Variants in CAMTA1 observed in about 807,000 individuals in gnomAD.
CAMTA1 encodes the protein calmodulin-binding transcription activator 1.
CAMTA1 carries 27 observed loss-of-function variants against 170.9 expected under a neutral mutation model. The observed-to-expected ratio is 0.16, with a 90% CI of 0.12 to 0.22. The LOEUF (loss-of-function observed/expected upper bound fraction) is 0.22, where lower values mean the gene tolerates loss of function less well. Among genes scored for constraint, CAMTA1 ranks in the 10% least tolerant of loss-of-function variants. The probability of loss-of-function intolerance (pLI) is 1.00; values close to 1 mark genes in which losing one functional copy is unlikely to be tolerated. For missense variants in CAMTA1, 1,619 were observed against 2,217.2 expected (o/e 0.73, Z 5.42); for synonymous variants, 833 against 891.5 (o/e 0.93, Z 1.17).
Position 7,067,259 on chromosome 1 carries a change from G to A in CAMTA1, c.235-24045G>A, listed in dbSNP as rs999191251. 3.9e-5 allele frequency among the ~76,000 whole-genome samples: 6 copies of A among 152,150 alleles called. No individual in the cohort carries two copies. Among genetic ancestry groups the A allele is most frequent in the Non-Finnish European group, 8.8e-5 (6 of 68,018 alleles). Reference sequence around the variant, plus strand: ...CTTCCTAGGGACGAAGGCCTCTCCCGGGGCTGGGAAGTTCCTGTCCCTTGT... The same window carrying A: ...CTTCCTAGGGACGAAGGCCTCTCCCAGGGCTGGGAAGTTCCTGTCCCTTGT... On this transcript the variant is annotated intron_variant, in intron 3 of 22. Coordinates refer to ENST00000303635, the MANE Select transcript of CAMTA1 (RefSeq NM_015215.4). The surrounding 1 kb of genome is among the most constrained non-coding windows in gnomAD (Gnocchi z 4.3).
At chr1:7,676,749 C>A (rs1288383691) in intron 10 of CAMTA1, among the ~76,000 whole-genome samples, 1 of 152,206 alleles carries the variant, frequency 6.6e-6, no homozygotes, top group African/African-American at 2.4e-5. Flanking sequence ...TGTGCACACC[C>A]ACCATTGCCC....
intron 9 of CAMTA1, 116 bp from the exon 10 acceptor site, chr1:7,670,795 C>T: frequency 8.5e-7 from 1 of 1,170,858 alleles, no homozygotes; most frequent in South Asian, 1.5e-5. Context: ...TGGGAATCTG[C>T]ATGGGGCGAG....
intron 4 of CAMTA1, among the ~76,000 whole-genome samples, chr1:7,145,844 G>A (rs1425561256): frequency 2.0e-5 from 3 of 152,210 alleles, no homozygotes; most frequent in Non-Finnish European, 1.5e-5. Flanking sequence ...GCGAAATGTG[G>A]AGTGGGCTGA....
intron 4 of CAMTA1, among the ~76,000 whole-genome samples, chr1:7,187,921 T>C (rs557314896): frequency 6.8e-4 from 104 of 152,300 alleles, no homozygotes; most frequent in African/African-American, 2.4e-3. Context: ...CACACTGCTA[T>C]AAAGAAATAC....
At chr1:7,553,062 T>C (rs1015108692) in intron 6 of CAMTA1, among the ~76,000 whole-genome samples, 3 of 152,132 alleles carry the variant, frequency 2.0e-5, no homozygotes, top group Non-Finnish European at 4.4e-5. Flanking sequence ...GTGCTAAGAT[T>C]GGTAGTGAGA....
In CAMTA1 at chr1:6,825,194, G is replaced by A. The variant is rs1424332295; in HGVS notation, c.218G>A (p.Arg73His). 1 of 1,596,978 alleles carries A rather than the reference G, an allele frequency of 6.3e-7. No individual in the cohort carries two copies. The highest frequency in any genetic ancestry group is 1.7e-5 in the Admixed American group (1 of 57,204). Residue 73 changes from arginine (R) to histidine (H), a missense_variant, in exon 3 of 23, where the codon CGC (arginine) becomes CAC (histidine). Coordinates refer to ENST00000303635, the MANE Select transcript of CAMTA1 (RefSeq NM_015215.4). ...TCAAGTTTACCAAAAGAGAGGCACC[G>A]CTGGAACACTAATGAGGTAGATAAG... ...KCSSLPKERH[R>H]WNTNEEIAAY... is the part of the protein sequence containing the mutation.
intron 3 of CAMTA1, among the ~76,000 whole-genome samples, chr1:7,005,222 C>A (rs1050996875): frequency 6.6e-6 from 1 of 152,300 alleles, no homozygotes; most frequent in East Asian, 1.9e-4. Flanking sequence ...AGCCACCCAC[C>A]TTGGAAGCTG....
At chr1:7,637,253 G>T (rs138277380) in intron 6 of CAMTA1, among the ~76,000 whole-genome samples, 2,159 of 152,296 alleles carry the variant, frequency 0.014, 61 homozygotes, top group Admixed American at 0.066. Flanking sequence ...GCAGGATGCG[G>T]CAGTCCTTTC....
intron 5 of CAMTA1, among the ~76,000 whole-genome samples, chr1:7,257,468 A>G (rs80031760): frequency 0.011 from 1,614 of 152,218 alleles, 17 homozygotes; most frequent in Middle Eastern, 0.031. Context: ...GAGAGCTTTC[A>G]CTTAGGAATA....
intron 4 of CAMTA1, among the ~76,000 whole-genome samples, chr1:7,160,857 G>A (rs1441719815): frequency 6.6e-6 from 1 of 151,976 alleles, no homozygotes; most frequent in Non-Finnish European, 1.5e-5. Context: ...TCAGTATATG[G>A]TACCATCCAT....
At chr1:7,236,563 C>T (rs1297006773) in intron 4 of CAMTA1, among the ~76,000 whole-genome samples, 5 of 152,152 alleles carry the variant, frequency 3.3e-5, no homozygotes, top group African/African-American at 7.2e-5. Context: ...ACCGGCTGTG[C>T]GACGTTGGGG....
intron 3 of CAMTA1, among the ~76,000 whole-genome samples, chr1:6,931,810 C>A (rs1480348092): frequency 6.6e-6 from 1 of 152,106 alleles, no homozygotes; most frequent in East Asian, 1.9e-4. Flanking sequence ...ATCTTTGTTC[C>A]CTGGGGACTT....
chr1:7,702,148 C>T lies in CAMTA1; in HGVS notation c.2914+24415C>T, dbSNP rs567934464. On this transcript the variant is annotated intron_variant, in intron 11 of 22. Coordinates refer to ENST00000303635, the MANE Select transcript of CAMTA1 (RefSeq NM_015215.4). ...CCCCATGCAGAAACGTCACCCCAGG[C>T]TCCTGACCCCAACCCACTCAGCAGG... 2.4e-4 allele frequency among the ~76,000 whole-genome samples: 36 copies of T among 152,200 alleles called. No homozygotes were observed. In the South Asian group the frequency reaches 7.5e-3, roughly 32 times the overall value.
intron 4 of CAMTA1, among the ~76,000 whole-genome samples, chr1:7,120,889 A>T (rs1644602107): frequency 6.6e-6 from 1 of 152,206 alleles, no homozygotes; most frequent in Non-Finnish European, 1.5e-5. Context: ...TCAGAGCCAC[A>T]CTTGTGATTA....
At chr1:7,186,703 C>T (rs1353683097) in intron 4 of CAMTA1, among the ~76,000 whole-genome samples, 1 of 152,140 alleles carries the variant, frequency 6.6e-6, no homozygotes, top group Non-Finnish European at 1.5e-5. Flanking sequence ...TTTATTCATT[C>T]ATTATTTAAT....
chr1:7,719,257 A>C (rs915364960), intron 11 of CAMTA1, among the ~76,000 whole-genome samples: 2 of 152,244 alleles, frequency 1.3e-5, no homozygotes, highest in African/African-American at 4.8e-5. Flanking sequence ...GGCTGCCTGA[A>C]TGTTCCTTGG....
At chr1:6,837,585 G>A (rs756422284) in intron 3 of CAMTA1, among the ~76,000 whole-genome samples, 5 of 152,166 alleles carry the variant, frequency 3.3e-5, no homozygotes, top group South Asian at 2.1e-4. Context: ...TAAAATTAAC[G>A]TCTGAGTATA....
intron 5 of CAMTA1, among the ~76,000 whole-genome samples, chr1:7,439,271 T>C (rs918148895): frequency 6.6e-6 from 1 of 152,088 alleles, no homozygotes; most frequent in Non-Finnish European, 1.5e-5. Flanking sequence ...CCCTCCTAGG[T>C]GGGGGATCTG....
At chr1:7,111,403 T>C (rs1371687261) in intron 4 of CAMTA1, among the ~76,000 whole-genome samples, 4 of 152,182 alleles carry the variant, frequency 2.6e-5, no homozygotes, top group Non-Finnish European at 5.9e-5. Context: ...TAGAAATTTC[T>C]ATTGAGAAGA....
Sources: allele counts gnomAD v4.1 joint callset (sites outside exome capture counted in the v4.1 genomes callset), GRCh38; gene constraint gnomAD v4.1.1; non-coding constraint Gnocchi (gnomAD v3.1); transcripts MANE v1.5; gene names NCBI Gene and HGNC (gene_info 2026-07-23, HGNC 2026-07-21).